Variants in INCENP observed in about 807,000 individuals in gnomAD.
INCENP encodes the protein inner centromere protein.
Under a neutral mutation model 107.3 loss-of-function variants are expected in INCENP, and 43 were observed. That is an observed-to-expected ratio of 0.40 (90% confidence interval 0.31 to 0.52). The LOEUF (loss-of-function observed/expected upper bound fraction) is 0.52. INCENP is among the 20% of genes least tolerant of loss of function. The pLI is 0.53. For missense variants in INCENP, 1,089 were observed against 1,250.9 expected (o/e 0.87, Z 1.95); for synonymous variants, 488 against 494.4 (o/e 0.99, Z 0.17).
Position 62,129,244 on chromosome 11 carries a change from T to G in INCENP, c.254+361T>G, listed in dbSNP as rs540453629. On this transcript the variant is annotated intron_variant, in intron 3 of 18. Transcript: ENST00000394818. ...ACGTGCCTTGTCCCAGCCGTCATAT[T>G]GTCATGCTTGTTTTAGTCCCCCTCA... 4.7e-4 allele frequency among the ~76,000 whole-genome samples: 72 copies of G among 152,248 alleles called. 1 individual carries two copies. The highest frequency in any genetic ancestry group is 4.1e-3 in the Admixed American group (62 of 15,300).
At chr11:62,139,811 G>A (rs931540603) in intron 7 of INCENP, among the ~76,000 whole-genome samples, 4 of 152,192 alleles carry the variant, frequency 2.6e-5, no homozygotes, top group Admixed American at 6.5e-5. Flanking sequence ...ACTGTTCTTC[G>A]TGTCAGAGGT....
chr11:62,129,519 C>T (rs922614774), intron 3 of INCENP, among the ~76,000 whole-genome samples: 29 of 152,196 alleles, frequency 1.9e-4, no homozygotes, highest in African/African-American at 6.0e-4. Context: ...TTCAGTCAGC[C>T]GGAGGTTTGG....
chr11:62,129,912 G>C lies in INCENP; in HGVS notation c.385G>C (p.Ala129Pro). The change falls in exon 4 of 19, where the codon GCT becomes CCT. Residue 129 changes from alanine (A) to proline (P), a missense_variant. Physicochemically the swap from Ala to Pro is conservative, Grantham distance 27 (BLOSUM62 -1). Coordinates refer to ENST00000394818, the MANE Select transcript of INCENP (RefSeq NM_001040694.2). ...CCTGCGGCGTGTGACCCGTGCTGCG[G>C]CTGCAGCTGCCGCGGCTACCATGGC... is the stretch of plus-strand genomic sequence containing the variant. The part of the protein sequence containing the change: ...SVLRRVTRAA[A>P]AAAAATMALA... The C allele has an allele frequency of 1.2e-6, 2 of 1,613,322 alleles. No individual in the cohort carries two copies. Among genetic ancestry groups the C allele is most frequent in the Non-Finnish European group, 8.5e-7 (1 of 1,179,998 alleles).
At position 62,145,164 on chromosome 11, in the gene INCENP, C is replaced by T. The variant is rs186736795; in HGVS notation, c.1716-5C>T. 3.5e-5 allele frequency: 56 copies of T among 1,614,148 alleles called. No individual in the cohort carries two copies. The highest frequency in any genetic ancestry group is 2.5e-4 in the East Asian group (11 of 44,888). On this transcript the variant is annotated splice_region_variant and splice_polypyrimidine_tract_variant and intron_variant, in intron 12 of 18. Coordinates refer to ENST00000394818, the MANE Select transcript of INCENP (RefSeq NM_001040694.2). ...GGCTCCCCATGACTATCCTATGCCC[C>T]GCAGGAAGCGTGAGGAACGCCTCCG...
In INCENP at chr11:62,144,826, C is replaced by T. The variant is rs187698816; in HGVS notation, c.1606-156C>T. On this transcript the variant is annotated intron_variant, in intron 11 of 18. Coordinates refer to ENST00000394818, the MANE Select transcript of INCENP (RefSeq NM_001040694.2). ...GGAGCTGCGGGCCTTGGCTTGGGTG[C>T]TGTTGGGGCCACGTTGGGGATACCT... The T allele has an allele frequency of 3.0e-4, 232 of 785,904 alleles. No homozygotes were observed. The East Asian group carries it at 5.4e-3, about 18-fold the overall frequency. 48.7% of individuals were successfully genotyped at this position (785,904 alleles called of 1,614,324 possible). A position where few individuals can be genotyped will look rare whatever the true frequency, so the allele number is the denominator to read the frequency against.
chr11:62,145,774 G>A, intron 14 of INCENP, 23 bp downstream of exon 14: 1 of 1,547,112 alleles, frequency 6.5e-7, no homozygotes, highest in Non-Finnish European at 8.7e-7. Context: ...GTGGGCCTCA[G>A]GGAGGAGGTG....
chr11:62,136,447 T>C (rs539279802), intron 4 of INCENP, among the ~76,000 whole-genome samples: 1 of 151,998 alleles, frequency 6.6e-6, no homozygotes, highest in Non-Finnish European at 1.5e-5. Context: ...TTTGGGAGGC[T>C]GAGGCAGGTG....
intron 4 of INCENP, among the ~76,000 whole-genome samples, chr11:62,135,270 G>A (rs1466646274): frequency 6.6e-6 from 1 of 151,086 alleles, no homozygotes; most frequent in African/African-American, 2.4e-5. Flanking sequence ...GTTTTTTTTT[G>A]TTTTGTTTTG....
chr11:62,151,379 C>T (rs570005370), intron 18 of INCENP, among the ~76,000 whole-genome samples: 2 of 152,344 alleles, frequency 1.3e-5, no homozygotes, highest in African/African-American at 4.8e-5. Flanking sequence ...TCAAGGATGG[C>T]ATCCTATGCT....
intron 11 of INCENP, chr11:62,144,631 A>G: frequency 1.9e-6 from 1 of 530,746 alleles, no homozygotes; most frequent in Non-Finnish European, 3.7e-6. Context: ...CACCCTTCCA[A>G]GCTCATCCTT....
rs553978275 is a variant in INCENP at position 62,135,043 on chromosome 11, T to C, written c.1064-2789T>C. ...TCCAGCCTGGGTGATACAGTGAGAC[T>C]CTGTCTCAAAAAAAAAAAGTAGCTA... On this transcript the variant is annotated intron_variant, in intron 4 of 18. Transcript: ENST00000394818. Among the ~76,000 whole-genome samples, 634 of 151,912 alleles carry C rather than the reference T, an allele frequency of 4.2e-3. 4 individuals are homozygous for C. Among genetic ancestry groups the C allele is most frequent in the African/African-American group, 0.015 (609 of 41,428 alleles).
intron 1 of INCENP, among the ~76,000 whole-genome samples, chr11:62,125,693 AGC>A (rs550208618): frequency 9.2e-4 from 140 of 152,356 alleles, no homozygotes; most frequent in African/African-American, 3.2e-3. Flanking sequence ...TGGTGGGATG[AGC>A]ACCTATAGGA....
In INCENP at chr11:62,140,899, G is replaced by A; in HGVS notation, c.1462-14G>A. ...CCCCGCCTGCCCACTTCTGACCCTG[G>A]TCCTCGTCTGCAGGTGGTACGGCCC... is the stretch of plus-strand genomic sequence containing the variant. On this transcript the variant is annotated splice_polypyrimidine_tract_variant and intron_variant, in intron 9 of 18. Transcript: ENST00000394818. 6.2e-7 allele frequency: 1 copy of A among 1,614,080 alleles called. No homozygotes were observed. Among genetic ancestry groups the A allele is most frequent in the Non-Finnish European group, 8.5e-7 (1 of 1,180,016 alleles).
At chr11:62,140,112 C>A (rs764401881) in intron 7 of INCENP, 122 bp from the exon 8 acceptor site, 1 of 802,718 alleles carries the variant, frequency 1.2e-6, no homozygotes, top group Non-Finnish European at 2.1e-6. Context: ...CCGGAGCTGC[C>A]AGGAAGGGAG....
intron 14 of INCENP, among the ~76,000 whole-genome samples, chr11:62,146,445 T>C (rs1203800096): frequency 6.6e-6 from 1 of 152,232 alleles, no homozygotes; most frequent in African/African-American, 2.4e-5. Flanking sequence ...TTCTGCTAAA[T>C]CTACAGCAGC....
At chr11:62,148,326 G>T in intron 15 of INCENP, 150 bp from the exon 16 acceptor site, 1 of 688,616 alleles carries the variant, frequency 1.5e-6, no homozygotes, top group Non-Finnish European at 2.5e-6. Flanking sequence ...CAAAAGCGCA[G>T]CTCTTGGCTC....
At chr11:62,133,586 A>G (rs1273367183) in intron 4 of INCENP, among the ~76,000 whole-genome samples, 1 of 152,118 alleles carries the variant, frequency 6.6e-6, no homozygotes, top group Non-Finnish European at 1.5e-5. Context: ...CTTCCCTACC[A>G]CCAGACCAGC....
intron 10 of INCENP, 132 bp downstream of exon 10, chr11:62,141,176 C>A: frequency 8.1e-7 from 1 of 1,240,460 alleles, no homozygotes; most frequent in Non-Finnish European, 1.1e-6. Context: ...CTGTTAGGGG[C>A]CGGTTGAAGC....
intron 11 of INCENP, among the ~76,000 whole-genome samples, chr11:62,143,723 T>A (rs1466055113): frequency 6.6e-6 from 1 of 152,058 alleles, no homozygotes; most frequent in Non-Finnish European, 1.5e-5. Flanking sequence ...CAAGGAGAAA[T>A]CGATAGTAAC....
Sources: allele counts gnomAD v4.1 joint callset (sites outside exome capture counted in the v4.1 genomes callset), GRCh38; gene constraint gnomAD v4.1.1; transcripts MANE v1.5; gene names NCBI Gene and HGNC (gene_info 2026-07-23, HGNC 2026-07-21).